SLC2A13: variants seen among roughly 807,000 people sequenced by gnomAD.
The protein encoded by SLC2A13 is proton myo-inositol cotransporter.
Under a neutral mutation model 64.4 loss-of-function variants are expected in SLC2A13, and 32 were observed. The ratio of observed to expected loss-of-function variants is 0.50; its 90% confidence interval spans 0.37 to 0.67. SLC2A13 has a LOEUF of 0.67. Among genes scored for constraint, SLC2A13 ranks in the 30% least tolerant of loss-of-function variants. The probability of loss-of-function intolerance (pLI) is 0.00; values close to 1 mark genes in which losing one functional copy is unlikely to be tolerated. For synonymous variants in SLC2A13, 338 were observed against 327.1 expected (o/e 1.03, Z -0.36); for missense variants, 743 against 829.2 (o/e 0.90, Z 1.28).
chr12:39,995,329 T>C (rs143595775), intron 3 of SLC2A13, among the ~76,000 whole-genome samples: 81 of 152,256 alleles, frequency 5.3e-4, no homozygotes, highest in East Asian at 2.9e-3. Flanking sequence ...AAATATAAAA[T>C]AAATTACCAT....
chr12:40,009,841 G>A (rs964691935), intron 3 of SLC2A13, among the ~76,000 whole-genome samples: 1 of 152,228 alleles, frequency 6.6e-6, no homozygotes, highest in Admixed American at 6.5e-5. Flanking sequence ...AAAGCCATCT[G>A]AAGAAGAGGC....
At chr12:40,098,987 G>A (rs1010910167) in intron 1 of SLC2A13, among the ~76,000 whole-genome samples, 6 of 152,188 alleles carry the variant, frequency 3.9e-5, no homozygotes, top group South Asian at 2.1e-4. Flanking sequence ...CAGCTGTCAC[G>A]GTGCTTGGCC....
chr12:39,907,729 G>A (rs986605043), intron 4 of SLC2A13: 25 of 150,526 alleles, frequency 1.7e-4, no homozygotes, highest in African/African-American at 5.6e-4. Context: ...GAAACAGGAA[G>A]CTGTAAATGT....
In SLC2A13 at chr12:39,760,093, A is replaced by G; in HGVS notation, c.1880T>C (p.Ile627Thr). 6.2e-7 allele frequency: 1 copy of G among 1,612,978 alleles called. No individual in the cohort carries two copies. Among genetic ancestry groups the G allele is most frequent in the Non-Finnish European group, 8.5e-7 (1 of 1,179,352 alleles). The part of the protein sequence containing the change: ...GTSDSDEGRY[I>T]EYIRVKGSNY... ...ACTTCCCTTTACCCGAATATATTCAATATATCTCCCTTCATCAGAATCTGA... is the reference window on the plus strand; with the variant it reads ...ACTTCCCTTTACCCGAATATATTCAGTATATCTCCCTTCATCAGAATCTGA... The change falls in exon 10 of 10, where the codon ATT (isoleucine) becomes ACT (threonine). Residue 627 changes from isoleucine (I) to threonine (T), a missense_variant. Ile to Thr is a moderately conservative substitution (Grantham distance 89). Transcript: ENST00000280871.
At chr12:40,000,001 T>A (rs934754136) in intron 3 of SLC2A13, among the ~76,000 whole-genome samples, 1 of 152,134 alleles carries the variant, frequency 6.6e-6, no homozygotes, top group African/African-American at 2.4e-5. Context: ...AGCTGGCACT[T>A]ATGGAAAATA....
chr12:39,995,758 G>A (rs1338081563), intron 3 of SLC2A13, among the ~76,000 whole-genome samples: 3 of 152,134 alleles, frequency 2.0e-5, no homozygotes, highest in African/African-American at 7.2e-5. Context: ...ATGGGGGGCA[G>A]GTATTTTCCA....
chr12:39,830,003 T>C, intron 7 of SLC2A13, 100 bp downstream of exon 7: 3 of 1,461,704 alleles, frequency 2.1e-6, no homozygotes, highest in Non-Finnish European at 2.8e-6. Flanking sequence ...TGAAGGCCAG[T>C]TTAAAAGAAC....
At chr12:39,951,542 G>A (rs1946230756) in intron 3 of SLC2A13, among the ~76,000 whole-genome samples, 177 bp from the exon 4 acceptor site, 1 of 152,140 alleles carries the variant, frequency 6.6e-6, no homozygotes, top group African/African-American at 2.4e-5. Flanking sequence ...TTTGCAAACA[G>A]ATAGTGTTTT....
At chr12:39,806,532 G>A (rs534789897) in intron 7 of SLC2A13, among the ~76,000 whole-genome samples, 23 of 152,224 alleles carry the variant, frequency 1.5e-4, no homozygotes, top group Non-Finnish European at 3.1e-4. Flanking sequence ...ATCACAAGAA[G>A]TCCACAAAAA....
At chr12:39,954,279 A>G (rs557487879) in intron 3 of SLC2A13, among the ~76,000 whole-genome samples, 3 of 152,314 alleles carry the variant, frequency 2.0e-5, no homozygotes, top group African/African-American at 7.2e-5. Flanking sequence ...AGTTGAAAAG[A>G]TGCAGCTCAG....
intron 4 of SLC2A13, among the ~76,000 whole-genome samples, chr12:39,879,689 A>T (rs1944293319): frequency 6.6e-6 from 1 of 152,026 alleles, no homozygotes; most frequent in African/African-American, 2.4e-5. Flanking sequence ...AACTAACTTG[A>T]TTTTTATTTT....
At chr12:39,858,761 C>T (rs927323870) in intron 6 of SLC2A13, among the ~76,000 whole-genome samples, 5 of 152,210 alleles carry the variant, frequency 3.3e-5, no homozygotes, top group Admixed American at 6.5e-5. Context: ...AGCCTGCCAC[C>T]ACACTTGGCT....
At chr12:40,037,548 G>A (rs1281461888) in intron 2 of SLC2A13, among the ~76,000 whole-genome samples, 3 of 151,018 alleles carry the variant, frequency 2.0e-5, no homozygotes, top group Admixed American at 6.6e-5. Context: ...GAGCCTAGGC[G>A]GTCAATGCTG....
chr12:39,956,961 C>G (rs2136108274), intron 3 of SLC2A13, among the ~76,000 whole-genome samples: 1 of 152,186 alleles, frequency 6.6e-6, no homozygotes, highest in South Asian at 2.1e-4. Context: ...TCTCCCCACT[C>G]CTCAATTTAG....
At chr12:39,981,029 G>A (rs1187857822) in intron 3 of SLC2A13, among the ~76,000 whole-genome samples, 8 of 151,852 alleles carry the variant, frequency 5.3e-5, no homozygotes, top group African/African-American at 1.2e-4. Flanking sequence ...CTCACTCAAA[G>A]CCGCTCAACT....
chr12:39,888,319 G>A (rs1269131429), intron 4 of SLC2A13, among the ~76,000 whole-genome samples: 2 of 152,170 alleles, frequency 1.3e-5, no homozygotes, highest in African/African-American at 4.8e-5. Context: ...CCGCTTCCCA[G>A]GTTCAAGCAA....
intron 2 of SLC2A13, among the ~76,000 whole-genome samples, chr12:40,038,566 C>CA (rs1055285646): frequency 1.3e-4 from 19 of 150,958 alleles, no homozygotes; most frequent in East Asian, 9.7e-4. Flanking sequence ...CCTGTCTCTA[C>CA]AAAAAAAATA....
chr12:39,904,591 G>A (rs1456285032), intron 4 of SLC2A13, among the ~76,000 whole-genome samples: 1 of 151,944 alleles, frequency 6.6e-6, no homozygotes, highest in Non-Finnish European at 1.5e-5. Flanking sequence ...TTGTTTACTG[G>A]ACTGGATATC....
intron 4 of SLC2A13, among the ~76,000 whole-genome samples, chr12:39,903,268 A>C (rs914310882): frequency 6.6e-6 from 1 of 152,168 alleles, no homozygotes; most frequent in Non-Finnish European, 1.5e-5. Flanking sequence ...AATGGGCACT[A>C]ATCTATGTAT....
Sources: allele counts gnomAD v4.1 joint callset (sites outside exome capture counted in the v4.1 genomes callset), GRCh38; gene constraint gnomAD v4.1.1; transcripts MANE v1.5; gene names NCBI Gene and HGNC (gene_info 2026-07-23, HGNC 2026-07-21).